Variants in ZCCHC7 observed in about 807,000 individuals in gnomAD.
ZCCHC7 encodes zinc finger CCHC domain-containing protein 7.
In ZCCHC7, 35 loss-of-function variants were observed where a neutral mutation model predicts 52.0. That is an observed-to-expected ratio of 0.67 (90% confidence interval 0.51 to 0.89). ZCCHC7 has a LOEUF of 0.89. Among genes scored for constraint, ZCCHC7 ranks in the 40% least tolerant of loss-of-function variants. ZCCHC7 has a pLI of 0.00. For missense variants in ZCCHC7, 574 were observed against 649.1 expected (o/e 0.88, Z 1.26); for synonymous variants, 217 against 221.5 (o/e 0.98, Z 0.18).
intron 2 of ZCCHC7, among the ~76,000 whole-genome samples, chr9:37,282,604 CAAAAAAA>C (rs60743608): frequency 1.9e-5 from 1 of 52,546 alleles, no homozygotes; most frequent in African/African-American, 7.9e-5. Flanking sequence ...GACTCTGTCT[CAAAAAAA>C]AAAAAAAAAA....
chr9:37,211,725 C>T (rs577524385), intron 2 of ZCCHC7, among the ~76,000 whole-genome samples: 5 of 152,182 alleles, frequency 3.3e-5, no homozygotes, highest in African/African-American at 9.6e-5. Context: ...TAAGTCATTT[C>T]GCTTAGAAAA....
chr9:37,165,281 G>A (rs1038915814), intron 2 of ZCCHC7, among the ~76,000 whole-genome samples: 1 of 151,718 alleles, frequency 6.6e-6, no homozygotes, highest in Non-Finnish European at 1.5e-5. Context: ...GAATAAAAAA[G>A]GCAGTTTTAC....
At chr9:37,289,666 G>C (rs1351395388) in intron 2 of ZCCHC7, among the ~76,000 whole-genome samples, 1 of 152,010 alleles carries the variant, frequency 6.6e-6, no homozygotes, top group African/African-American at 2.4e-5. Context: ...GTGATTCTTT[G>C]AGTTATAAGT....
intron 2 of ZCCHC7, among the ~76,000 whole-genome samples, chr9:37,291,052 G>T (rs1828513203): frequency 1.3e-5 from 2 of 152,288 alleles, no homozygotes; most frequent in African/African-American, 4.8e-5. Context: ...TATCTTTCAA[G>T]AATGTGCAGT....
intron 2 of ZCCHC7, among the ~76,000 whole-genome samples, chr9:37,183,489 T>C (rs1822479858): frequency 6.6e-6 from 1 of 152,232 alleles, no homozygotes; most frequent in African/African-American, 2.4e-5. Flanking sequence ...CTTTTTAGGT[T>C]TTGGGCCTCA....
chr9:37,270,904 C>G (rs1374841241), intron 2 of ZCCHC7, among the ~76,000 whole-genome samples: 1 of 151,490 alleles, frequency 6.6e-6, no homozygotes, highest in African/African-American at 2.4e-5. Flanking sequence ...AACTCAAATT[C>G]TTAAAAGAAA....
chr9:37,174,241 G>A (rs1486867107), intron 2 of ZCCHC7, among the ~76,000 whole-genome samples: 4 of 152,070 alleles, frequency 2.6e-5, no homozygotes, highest in South Asian at 2.1e-4. Flanking sequence ...CCTGGGAGGC[G>A]GAGGTTGCGG....
At chr9:37,323,103 T>C (rs530835188) in intron 5 of ZCCHC7, among the ~76,000 whole-genome samples, 1 of 152,306 alleles carries the variant, frequency 6.6e-6, no homozygotes, top group African/African-American at 2.4e-5. Context: ...GATATATAAC[T>C]TGCCCAAAAT....
intron 7 of ZCCHC7, 74 bp downstream of exon 7, chr9:37,349,526 G>C (rs563207833): frequency 7.3e-7 from 1 of 1,375,682 alleles, no homozygotes; most frequent in African/African-American, 1.4e-5. Flanking sequence ...AACTCAAAAA[G>C]AATGTAACTC....
chr9:37,256,508 G>A (rs1826593214), intron 2 of ZCCHC7, among the ~76,000 whole-genome samples: 1 of 152,116 alleles, frequency 6.6e-6, no homozygotes, highest in African/African-American at 2.4e-5. Flanking sequence ...TATTCTATAT[G>A]TTATTTCTAC....
At chr9:37,233,167 T>C (rs1280217993) in intron 2 of ZCCHC7, among the ~76,000 whole-genome samples, 2 of 152,214 alleles carry the variant, frequency 1.3e-5, no homozygotes, top group East Asian at 3.8e-4. Context: ...GTAGAAAATA[T>C]TTTAAGTCAA....
chr9:37,241,826 C>T (rs576967076), intron 2 of ZCCHC7, among the ~76,000 whole-genome samples: 16 of 151,710 alleles, frequency 1.1e-4, no homozygotes, highest in Non-Finnish European at 2.1e-4. Context: ...TTCTAACCCC[C>T]CAAATAACTC....
chr9:37,312,235 A>G (rs759013238), intron 5 of ZCCHC7, among the ~76,000 whole-genome samples: 1 of 152,216 alleles, frequency 6.6e-6, no homozygotes, highest in Non-Finnish European at 1.5e-5. Flanking sequence ...TGGCGGTTCT[A>G]CCTTTATTCA....
chr9:37,132,179 G>A (rs1842813739), intron 2 of ZCCHC7, among the ~76,000 whole-genome samples: 1 of 152,034 alleles, frequency 6.6e-6, no homozygotes, highest in African/African-American at 2.4e-5. Context: ...TGCACCGAAG[G>A]AAGTCAGCAT....
chr9:37,307,331 G>A (rs1829375417), intron 5 of ZCCHC7, among the ~76,000 whole-genome samples: 1 of 152,072 alleles, frequency 6.6e-6, no homozygotes, highest in African/African-American at 2.4e-5. Context: ...CCTAATGAGT[G>A]TCTCATTAAG....
intron 2 of ZCCHC7, among the ~76,000 whole-genome samples, chr9:37,229,479 G>T (rs1440154231): frequency 6.6e-6 from 1 of 152,154 alleles, no homozygotes; most frequent in Non-Finnish European, 1.5e-5. Context: ...CCTAGGGTAT[G>T]AACTTGTACG....
chr9:37,267,572 T>C (rs183548576), intron 2 of ZCCHC7, among the ~76,000 whole-genome samples: 66 of 143,448 alleles, frequency 4.6e-4, no homozygotes, highest in East Asian at 1.6e-3. Flanking sequence ...TTTTCTTTTT[T>C]TTTTTTTTTT....
chr9:37,174,720 T>G (rs1017626502), intron 2 of ZCCHC7, among the ~76,000 whole-genome samples: 40 of 152,226 alleles, frequency 2.6e-4, no homozygotes, highest in African/African-American at 8.4e-4. Context: ...CTTCCCTAAT[T>G]CTTGTTTGTG....
intron 2 of ZCCHC7, among the ~76,000 whole-genome samples, chr9:37,232,978 G>GT (rs1394516642): frequency 2.6e-5 from 4 of 152,206 alleles, no homozygotes; most frequent in Admixed American, 1.3e-4. Flanking sequence ...ACATGAGACA[G>GT]TATTCCCAGG....
Sources: allele counts gnomAD v4.1 joint callset (sites outside exome capture counted in the v4.1 genomes callset), GRCh38; gene constraint gnomAD v4.1.1; transcripts MANE v1.5; gene names NCBI Gene and HGNC (gene_info 2026-07-23, HGNC 2026-07-21).